RUSC2: variants seen among roughly 807,000 people sequenced by gnomAD.
RUSC2 encodes AP-4 complex accessory subunit RUSC2.
A neutral mutation model predicts 122.2 loss-of-function variants in RUSC2; 34 were observed. The observed-to-expected ratio is 0.28, with a 90% CI of 0.21 to 0.37. The LOEUF (loss-of-function observed/expected upper bound fraction) is 0.37, where lower values mean the gene tolerates loss of function less well. Ranked by LOEUF, RUSC2 falls within the 10% of genes least tolerant of loss-of-function variation. The pLI is 1.00. For synonymous variants in RUSC2, 784 were observed against 790.0 expected (o/e 0.99, Z 0.13); for missense variants, 1,747 against 1,952.4 (o/e 0.89, Z 1.98).
rs150222944 is a variant in RUSC2, at chr9:35,520,139, G to A, written c.-92-26291G>A. Among the ~76,000 whole-genome samples the A allele has an allele frequency of 2.0e-5, 3 of 152,338 alleles. No individual in the cohort carries two copies. In the East Asian group the frequency reaches 5.8e-4, roughly 29 times the overall value. ...ATGGTTTTTGCTGCCACCTGCGAGT[G>A]AGCCAGTCCCAGTGCTCTTACTGTC... On this transcript the variant is annotated intron_variant, in intron 1 of 11. Coordinates refer to ENST00000361226, the MANE Select transcript of RUSC2 (RefSeq NM_014806.5).
chr9:35,541,139 T>A lies in RUSC2; in HGVS notation c.-92-5291T>A, dbSNP rs192881011. Reference sequence around the variant, plus strand: ...TGGAGAGCATGACCTCATAACTTTATACTGGCTGAGCCCACCATTCCACTC... The same window carrying A: ...TGGAGAGCATGACCTCATAACTTTAAACTGGCTGAGCCCACCATTCCACTC... On this transcript the variant is annotated intron_variant, in intron 1 of 11. Transcript: ENST00000361226. Among the ~76,000 whole-genome samples the A allele has an allele frequency of 1.5e-3, 231 of 152,232 alleles. 3 individuals carry two copies. The highest frequency in any genetic ancestry group is 5.4e-3 in the South Asian group (26 of 4,812).
At position 35,560,536 on chromosome 9, in the gene RUSC2, G is replaced by A. The variant is rs775165028; in HGVS notation, c.3896G>A (p.Ser1299Asn). Residue 1299 changes from serine to asparagine, a missense_variant, in exon 10 of 12, where the codon AGC (serine) becomes AAC (asparagine). Ser to Asn is a conservative substitution (Grantham distance 46, BLOSUM62 1). Coordinates refer to ENST00000361226, the MANE Select transcript of RUSC2 (RefSeq NM_014806.5). ...TTCCCTCGTGGTAGCAGCAACAGCA[G>A]CAGCGAGAAAAAGAAAGGGGCAGGA... Reference protein sequence around the residue: ...SRFPRGSSNSSSEKKKGAGGG... With the variant: ...SRFPRGSSNSNSEKKKGAGGG... 4 of 1,614,196 alleles carry A rather than the reference G, an allele frequency of 2.5e-6. No homozygotes were observed. Among genetic ancestry groups the A allele is most frequent in the Non-Finnish European group, 3.4e-6 (4 of 1,180,018 alleles).
At chr9:35,556,807 A>G (rs1233108506) in intron 5 of RUSC2, among the ~76,000 whole-genome samples, 1 of 152,224 alleles carries the variant, frequency 6.6e-6, no homozygotes, top group African/African-American at 2.4e-5. Context: ...AGCCTGGGCA[A>G]CAAAACTGAA....
Position 35,558,119 on chromosome 9 carries a change from G to A in RUSC2, c.3061-78G>A. 6.3e-7 allele frequency: 1 copy of A among 1,589,360 alleles called. No homozygotes were observed. On this transcript the variant is annotated intron_variant, in intron 6 of 11. Coordinates refer to ENST00000361226, the MANE Select transcript of RUSC2 (RefSeq NM_014806.5). This position sits in a 1 kb window ranked among gnomAD's most constrained non-coding sequence, Gnocchi z 4.3. Reference sequence around the variant, plus strand: ...ACTTAGGAATGGGGACGGCAAGAGGGGAACCATGAGGGCCTGCTACGAGAG... The same window carrying A: ...ACTTAGGAATGGGGACGGCAAGAGGAGAACCATGAGGGCCTGCTACGAGAG...
intron 1 of RUSC2, among the ~76,000 whole-genome samples, chr9:35,538,338 C>G (rs1821571381): frequency 6.6e-6 from 1 of 152,180 alleles, no homozygotes; most frequent in Admixed American, 6.5e-5. Context: ...ACCGCCCCGT[C>G]TCTCTAGGAA....
rs768615341 is a variant in RUSC2, at chr9:35,495,601, G to A, written c.-93+5429G>A. ...GTAGTAAGTTTGGAAAATCAAGAAT[G>A]TAAGTCCTCCAACTTTGGTTTTCTT... On this transcript the variant is annotated intron_variant, in intron 1 of 11. Coordinates refer to ENST00000361226, the MANE Select transcript of RUSC2 (RefSeq NM_014806.5). Among the ~76,000 whole-genome samples the A allele has an allele frequency of 2.1e-4, 32 of 152,064 alleles. 1 individual carries two copies. The highest frequency in any genetic ancestry group is 2.0e-4 in the Admixed American group (3 of 15,252).
At chr9:35,519,240 G>A (rs1359767274) in intron 1 of RUSC2, among the ~76,000 whole-genome samples, 1 of 152,186 alleles carries the variant, frequency 6.6e-6, no homozygotes, top group Non-Finnish European at 1.5e-5. Flanking sequence ...TGATACTGAC[G>A]CCAGAGCGTA....
chr9:35,542,049 T>C (rs908515988), intron 1 of RUSC2, among the ~76,000 whole-genome samples: 1 of 152,082 alleles, frequency 6.6e-6, no homozygotes, highest in African/African-American at 2.4e-5. Flanking sequence ...AAAAAGTGCC[T>C]TGTAAGTAAA....
intron 1 of RUSC2, among the ~76,000 whole-genome samples, chr9:35,510,181 A>G (rs17370852): frequency 0.066 from 10,008 of 152,300 alleles, 445 homozygotes; most frequent in Non-Finnish European, 0.096. Context: ...TGTTATTGAT[A>G]GATTCCGGTG....
chr9:35,492,902 C>T lies in RUSC2; in HGVS notation c.-93+2730C>T, dbSNP rs562831964. On this transcript the variant is annotated intron_variant, in intron 1 of 11. Coordinates refer to ENST00000361226, the MANE Select transcript of RUSC2 (RefSeq NM_014806.5). ...TCTTTGAATTTGACTACTGGGGGTA[C>T]CTCATATAAGTGGAATCATGCACTA... Among the ~76,000 whole-genome samples the T allele has an allele frequency of 2.0e-5, 3 of 152,164 alleles. No individual in the cohort carries two copies. The East Asian group carries it at 5.8e-4, about 29-fold the overall frequency.
Position 35,556,071 on chromosome 9 carries a change from A to G in RUSC2, c.2776A>G (p.Arg926Gly). 1 of 1,614,246 alleles carries G rather than the reference A, an allele frequency of 6.2e-7. No homozygotes were observed. The highest frequency in any genetic ancestry group is 8.5e-7 in the Non-Finnish European group (1 of 1,180,028). ...RRSQEARLAR[R>G]NPIFEFPGSL... Reference sequence around the variant, plus strand: ...ATCACAAGAAGCTCGGCTGGCCCGAAGAAACCCTATCTTTGAGTTCCCTGG... The same window carrying G: ...ATCACAAGAAGCTCGGCTGGCCCGAGGAAACCCTATCTTTGAGTTCCCTGG... The change falls in exon 4 of 12, where the codon AGA becomes GGA. Residue 926 changes from arginine (R) to glycine (G), a missense_variant. Coordinates refer to ENST00000361226, the MANE Select transcript of RUSC2 (RefSeq NM_014806.5).
intron 1 of RUSC2, among the ~76,000 whole-genome samples, chr9:35,545,997 T>G (rs1285753002): frequency 6.6e-6 from 1 of 152,218 alleles, no homozygotes; most frequent in Non-Finnish European, 1.5e-5. Context: ...CCCTCTTGGC[T>G]GTAAACTTGT....
chr9:35,552,646 T>C (rs1304307193), intron 2 of RUSC2, among the ~76,000 whole-genome samples: 1 of 152,182 alleles, frequency 6.6e-6, no homozygotes, highest in Non-Finnish European at 1.5e-5. Context: ...AGTCTCTCAC[T>C]CCTCCGAACC....
chr9:35,557,484 A>G lies in RUSC2; in HGVS notation c.2984-430A>G, dbSNP rs1337163918. On this transcript the variant is annotated intron_variant, in intron 5 of 11. Coordinates refer to ENST00000361226, the MANE Select transcript of RUSC2 (RefSeq NM_014806.5). The surrounding 1 kb of genome is among the most constrained non-coding windows in gnomAD (Gnocchi z 4.6). ...TTGAGAGGAGGGGTGTCGATTTCAC[A>G]TGGCAACTTGAGGGTATGGCAGAGA... 6.6e-6 allele frequency among the ~76,000 whole-genome samples: 1 copy of G among 152,184 alleles called. No individual in the cohort carries two copies. The highest frequency in any genetic ancestry group is 1.5e-5 in the Non-Finnish European group (1 of 68,028).
chr9:35,495,240 GAT>G (rs1202140229), intron 1 of RUSC2, among the ~76,000 whole-genome samples: 7 of 61,286 alleles, frequency 1.1e-4, no homozygotes, highest in African/African-American at 2.1e-4. Flanking sequence ...TATTATATAT[GAT>G]ATATATAATA....
At chr9:35,554,721 G>T (rs543086373) in intron 2 of RUSC2, among the ~76,000 whole-genome samples, 52 of 149,196 alleles carry the variant, frequency 3.5e-4, no homozygotes, top group African/African-American at 1.1e-3. Flanking sequence ...CTGTGGGTTT[G>T]GGAGTCATCC....
At chr9:35,531,906 G>A (rs1821427419) in intron 1 of RUSC2, among the ~76,000 whole-genome samples, 2 of 152,142 alleles carry the variant, frequency 1.3e-5, no homozygotes, top group Non-Finnish European at 1.5e-5. Flanking sequence ...GGCGCCTGTA[G>A]TCCCAGCTAC....
intron 1 of RUSC2, among the ~76,000 whole-genome samples, chr9:35,508,615 T>C (rs974734040): frequency 6.6e-6 from 1 of 152,216 alleles, no homozygotes. Context: ...CTCTTTAAGC[T>C]ATCCCAAATA....
At position 35,560,012 on chromosome 9, in the gene RUSC2, T is replaced by C; in HGVS notation, c.3389-17T>C. The C allele has an allele frequency of 1.3e-6, 2 of 1,568,454 alleles. No individual in the cohort carries two copies. Among genetic ancestry groups the C allele is most frequent in the East Asian group, 4.5e-5 (2 of 44,154 alleles). On this transcript the variant is annotated splice_polypyrimidine_tract_variant and intron_variant, in intron 9 of 11. Transcript: ENST00000361226. Reference sequence around the variant, plus strand: ...CTGGTTCTCTGTGTGGATCAGTCCCTCTCTCTTTTCCCCTAGACATCATCC... The same window carrying C: ...CTGGTTCTCTGTGTGGATCAGTCCCCCTCTCTTTTCCCCTAGACATCATCC...
Sources: allele counts gnomAD v4.1 joint callset (sites outside exome capture counted in the v4.1 genomes callset), GRCh38; gene constraint gnomAD v4.1.1; non-coding constraint Gnocchi (gnomAD v3.1); transcripts MANE v1.5; gene names NCBI Gene and HGNC (gene_info 2026-07-23, HGNC 2026-07-21).